The following PPFIA2 variants were observed in gnomAD, a reference collection of about 807,000 sequenced individuals.
The protein encoded by PPFIA2 is PPFI scaffold protein A2.
Under a neutral mutation model 175.5 loss-of-function variants are expected in PPFIA2, and 46 were observed. The observed-to-expected ratio is 0.26, with a 90% CI of 0.21 to 0.34. PPFIA2 has a LOEUF of 0.34. Among genes scored for constraint, PPFIA2 ranks in the 10% least tolerant of loss-of-function variants. The pLI, the probability that PPFIA2 is intolerant of heterozygous loss-of-function variation, is 1.00. For missense variants in PPFIA2, 1,179 were observed against 1,506.1 expected (o/e 0.78, Z 3.60); for synonymous variants, 568 against 511.4 (o/e 1.11, Z -1.49).
Position 81,353,315 on chromosome 12 carries a change from A to G in PPFIA2, c.1798T>C (p.Trp600Arg), listed in dbSNP as rs1453042685. Residue 600 changes from tryptophan to arginine, a missense_variant, in exon 17 of 33, where the codon TGG (tryptophan) becomes CGG (arginine). Around this residue, in one of 10 missense-constraint regions of PPFIA2, gnomAD observed 186 missense variants for 163.6 expected, o/e 1.14. Coordinates refer to ENST00000549396, the MANE Select transcript of PPFIA2 (RefSeq NM_003625.5). ...ACTCCAATCTGTTGAGTTCTATTCC[A>G]CTCGTGATCCCCAAGAGATTTCACC... ...PKVKSLGDHE[W>R]NRTQQIGVLS... 2 of 1,613,218 alleles carry G rather than the reference A, an allele frequency of 1.2e-6. No individual in the cohort carries two copies. The highest frequency in any genetic ancestry group is 1.7e-6 in the Non-Finnish European group (2 of 1,179,438).
chr12:81,746,542 GA>G (rs2083089481), intron 3 of PPFIA2, among the ~76,000 whole-genome samples: 1 of 143,864 alleles, frequency 7.0e-6, no homozygotes, highest in East Asian at 2.1e-4. Context: ...TATAGAAAAA[GA>G]AAAAATAAGT....
intron 4 of PPFIA2, among the ~76,000 whole-genome samples, chr12:81,589,987 C>T (rs948958202): frequency 3.9e-5 from 6 of 152,048 alleles, no homozygotes; most frequent in African/African-American, 1.2e-4. Context: ...TTGGAGGTTG[C>T]ATACTTTATT....
At chr12:81,612,386 C>A (rs1230116610) in intron 4 of PPFIA2, among the ~76,000 whole-genome samples, 2 of 152,150 alleles carry the variant, frequency 1.3e-5, no homozygotes, top group Admixed American at 6.5e-5. Flanking sequence ...AGAAATGATT[C>A]TGCAGGTGAA....
chr12:81,536,121 A>G (rs1389912305), intron 4 of PPFIA2, among the ~76,000 whole-genome samples: 1 of 151,800 alleles, frequency 6.6e-6, no homozygotes, highest in South Asian at 2.1e-4. Context: ...TGCAAAGAAT[A>G]CACTATGAGA....
chr12:81,501,791 T>C (rs1235034598), intron 4 of PPFIA2, among the ~76,000 whole-genome samples: 1 of 152,194 alleles, frequency 6.6e-6, no homozygotes, highest in Non-Finnish European at 1.5e-5. Context: ...AAAGGCAGTA[T>C]TCTTTTCAAG....
At chr12:81,657,467 C>T (rs1335262379) in intron 4 of PPFIA2, among the ~76,000 whole-genome samples, 1 of 152,178 alleles carries the variant, frequency 6.6e-6, no homozygotes, top group Non-Finnish European at 1.5e-5. Flanking sequence ...GGCCTTCAGA[C>T]TCACCTTCTT....
chr12:81,427,407 G>A (rs965242162), intron 7 of PPFIA2, among the ~76,000 whole-genome samples: 6 of 152,044 alleles, frequency 3.9e-5, no homozygotes, highest in Admixed American at 6.6e-5. Context: ...AAAAATGTGT[G>A]TGGGTTCGGG....
intron 4 of PPFIA2, among the ~76,000 whole-genome samples, chr12:81,466,858 T>C (rs557772210): frequency 6.8e-6 from 1 of 147,520 alleles, no homozygotes; most frequent in South Asian, 2.1e-4. Flanking sequence ...TATTAAAAAA[T>C]ATATATAATT....
intron 22 of PPFIA2, among the ~76,000 whole-genome samples, chr12:81,312,799 A>G (rs1288992354): frequency 6.6e-6 from 1 of 152,184 alleles, no homozygotes; most frequent in African/African-American, 2.4e-5. Context: ...CAGATCCATA[A>G]TGTTATTATT....
chr12:81,336,361 G>A (rs2057136699), intron 21 of PPFIA2, among the ~76,000 whole-genome samples: 1 of 152,100 alleles, frequency 6.6e-6, no homozygotes, highest in African/African-American at 2.4e-5. Context: ...TAATACATTA[G>A]TAAGAACAGA....
intron 20 of PPFIA2, 26 bp downstream of exon 20, chr12:81,341,050 AGT>A: frequency 3.8e-6 from 6 of 1,575,344 alleles, no homozygotes; most frequent in Non-Finnish European, 5.2e-6. Flanking sequence ...GAGGGCATTC[AGT>A]GTGCAGTGTG....
chr12:81,390,111 A>T (rs1414917059), intron 8 of PPFIA2, among the ~76,000 whole-genome samples: 1 of 152,092 alleles, frequency 6.6e-6, no homozygotes, highest in Non-Finnish European at 1.5e-5. Flanking sequence ...GTAGCATGTT[A>T]TCCACACCTC....
At chr12:81,329,608 C>T (rs1882182) in intron 21 of PPFIA2, among the ~76,000 whole-genome samples, 29,127 of 152,028 alleles carry the variant, frequency 0.19, 4,175 homozygotes, top group East Asian at 0.42. Context: ...AATTGCCAGA[C>T]CACCCTCTTG....
chr12:81,566,485 C>T (rs2071308574), intron 4 of PPFIA2, among the ~76,000 whole-genome samples: 1 of 124,644 alleles, frequency 8.0e-6, no homozygotes, highest in Non-Finnish European at 1.6e-5. Flanking sequence ...GATTGTGCCA[C>T]TACACTCCAG....
At chr12:81,619,113 AT>A (rs1031579226) in intron 4 of PPFIA2, among the ~76,000 whole-genome samples, 1 of 152,010 alleles carries the variant, frequency 6.6e-6, no homozygotes, top group African/African-American at 2.4e-5. Context: ...TAGAAACTTG[AT>A]TTTTTTTGTC....
intron 4 of PPFIA2, among the ~76,000 whole-genome samples, chr12:81,608,422 C>T (rs940624106): frequency 1.5e-4 from 23 of 151,956 alleles, no homozygotes; most frequent in African/African-American, 5.6e-4. Flanking sequence ...TCCATCTGGT[C>T]CAGGGCTTTT....
chr12:81,623,857 C>T (rs1386034032), intron 4 of PPFIA2, among the ~76,000 whole-genome samples: 3 of 151,812 alleles, frequency 2.0e-5, no homozygotes, highest in Non-Finnish European at 4.4e-5. Context: ...AACAAGGCAG[C>T]TACATTTTGG....
intron 4 of PPFIA2, among the ~76,000 whole-genome samples, chr12:81,616,731 T>C (rs2061452048): frequency 6.6e-6 from 1 of 152,182 alleles, no homozygotes; most frequent in African/African-American, 2.4e-5. Context: ...GAACCATAAA[T>C]ATTAATATTT....
rs1318065314 is a variant in PPFIA2, at chr12:81,258,693, T to A, written c.*1001A>T. On this transcript the variant is annotated 3_prime_UTR_variant, in exon 33 of 33. Coordinates refer to ENST00000549396, the MANE Select transcript of PPFIA2 (RefSeq NM_003625.5). The stretch of plus-strand genomic sequence containing the variant: ...AAGCTTATAACATTAGACATGAGTC[T>A]GGCTAATGCCCTGTTACATTGACAA... 1 of 152,146 alleles carries A rather than the reference T, an allele frequency of 6.6e-6. No individual in the cohort carries two copies. Among genetic ancestry groups the A allele is most frequent in the Non-Finnish European group, 1.5e-5 (1 of 68,030 alleles). The allele number at this position is 152,146 out of a possible 1,614,324, so 9.4% of individuals were successfully genotyped here.
Sources: allele counts gnomAD v4.1 joint callset (sites outside exome capture counted in the v4.1 genomes callset), GRCh38; gene constraint gnomAD v4.1.1; regional missense constraint gnomAD v4.1.1; transcripts MANE v1.5; gene names NCBI Gene and HGNC (gene_info 2026-07-23, HGNC 2026-07-21).